Variants in IQGAP2 observed in about 807,000 individuals in gnomAD.
IQGAP2 encodes the protein ras GTPase-activating-like protein IQGAP2.
In IQGAP2, 173 loss-of-function variants were observed where a neutral mutation model predicts 201.3. The observed-to-expected ratio is 0.86, with a 90% CI of 0.76 to 0.98. The LOEUF is 0.98. Among genes scored for constraint, IQGAP2 ranks in the 50% least tolerant of loss-of-function variants. IQGAP2 has a pLI of 0.00. For missense variants in IQGAP2, 1,687 were observed against 1,864.8 expected (o/e 0.90, Z 1.76); for synonymous variants, 675 against 673.9 (o/e 1.00, Z -0.03).
chr5:76,438,907 T>TTTTA lies in IQGAP2; in HGVS notation c.47-22652_47-22649dup, dbSNP rs1279823077. On this transcript the variant is annotated intron_variant, in intron 1 of 35. Coordinates refer to ENST00000274364, the MANE Select transcript of IQGAP2 (RefSeq NM_006633.5). ...AATTTCATTTAGTTCTGCTCTAATC[T>TTTTA]TTTATTTATTTATTATTTTCTAGTT... Among the ~76,000 whole-genome samples the TTTTA allele has an allele frequency of 2.0e-5, 3 of 152,004 alleles. No homozygotes were observed. In the East Asian group the frequency reaches 5.8e-4, roughly 29 times the overall value.
intron 15 of IQGAP2, 45 bp from the exon 16 acceptor site, chr5:76,636,989 G>A: frequency 6.8e-7 from 1 of 1,466,034 alleles, no homozygotes; most frequent in East Asian, 2.3e-5. Context: ...TAATGTTTAA[G>A]GGTTCACTGT....
At chr5:76,634,074 C>T (rs1750926953) in intron 15 of IQGAP2, among the ~76,000 whole-genome samples, 1 of 151,964 alleles carries the variant, frequency 6.6e-6, no homozygotes, top group African/African-American at 2.4e-5. Flanking sequence ...ATCCTACAAC[C>T]TTGCTGAACT....
intron 5 of IQGAP2, among the ~76,000 whole-genome samples, chr5:76,578,047 A>G (rs1010783837): frequency 3.9e-5 from 6 of 152,134 alleles, no homozygotes; most frequent in African/African-American, 1.4e-4. Flanking sequence ...CTTGTCTCCT[A>G]TTCCCTGTCA....
At chr5:76,514,155 A>T (rs1314215172) in intron 2 of IQGAP2, among the ~76,000 whole-genome samples, 1 of 150,730 alleles carries the variant, frequency 6.6e-6, no homozygotes, top group Non-Finnish European at 1.5e-5. Context: ...TCCCGAGTAG[A>T]TGGGATTACA....
At chr5:76,626,374 G>A (rs910635573) in intron 13 of IQGAP2, among the ~76,000 whole-genome samples, 2 of 137,322 alleles carry the variant, frequency 1.5e-5, no homozygotes, top group African/African-American at 5.5e-5. Flanking sequence ...CCAGGTTCAA[G>A]CAATCCTCCC....
chr5:76,692,283 C>T (rs901230366), intron 30 of IQGAP2, among the ~76,000 whole-genome samples: 5 of 152,174 alleles, frequency 3.3e-5, no homozygotes, highest in African/African-American at 1.2e-4. Flanking sequence ...TCCTGAGCAG[C>T]TGGAATTACA....
intron 11 of IQGAP2, among the ~76,000 whole-genome samples, chr5:76,602,569 T>C (rs1747500287): frequency 6.7e-6 from 1 of 150,176 alleles, no homozygotes; most frequent in Admixed American, 6.8e-5. Flanking sequence ...TGAAGAACTT[T>C]TAAAATGTTT....
intron 13 of IQGAP2, among the ~76,000 whole-genome samples, chr5:76,624,789 C>G (rs1750066413): frequency 6.6e-6 from 1 of 152,112 alleles, no homozygotes; most frequent in African/African-American, 2.4e-5. Context: ...AAAAAGCAGA[C>G]TTGGCTGGGC....
intron 5 of IQGAP2, among the ~76,000 whole-genome samples, chr5:76,578,787 A>C (rs1745639778): frequency 6.6e-6 from 1 of 152,146 alleles, no homozygotes; most frequent in African/African-American, 2.4e-5. Flanking sequence ...CTTTGAACTT[A>C]AAGTGTATAC....
At chr5:76,508,723 G>C (rs1051870044) in intron 2 of IQGAP2, among the ~76,000 whole-genome samples, 3 of 150,086 alleles carry the variant, frequency 2.0e-5, no homozygotes, top group Non-Finnish European at 4.4e-5. Flanking sequence ...TAAAGATCAC[G>C]TGAGAGGCAT....
At chr5:76,414,436 T>C (rs1245659417) in intron 1 of IQGAP2, among the ~76,000 whole-genome samples, 1 of 152,220 alleles carries the variant, frequency 6.6e-6, no homozygotes, top group Non-Finnish European at 1.5e-5. Context: ...ATGGTAGTTA[T>C]AGAGCTAATA....
At chr5:76,532,886 T>C (rs1192685393) in intron 2 of IQGAP2, among the ~76,000 whole-genome samples, 1 of 152,238 alleles carries the variant, frequency 6.6e-6, no homozygotes, top group Admixed American at 6.5e-5. Context: ...ACACTGCCTC[T>C]CATGTTCCAG....
At chr5:76,436,513 ATATATTTTTTTTTTTTTTTTTTTT>A (rs1752699315) in intron 1 of IQGAP2, among the ~76,000 whole-genome samples, 1 of 22,604 alleles carries the variant, frequency 4.4e-5, no homozygotes, top group Non-Finnish European at 6.4e-5. Flanking sequence ...ATATATATAT[ATATATTTTTTTTTTTTTTTTTTTT>A]TTTTTTTTTT....
At chr5:76,491,458 C>A (rs1756532765) in intron 2 of IQGAP2, among the ~76,000 whole-genome samples, 1 of 151,974 alleles carries the variant, frequency 6.6e-6, no homozygotes, top group Admixed American at 6.6e-5. Context: ...TGCAGGATTT[C>A]TTTTTTATTA....
intron 30 of IQGAP2, among the ~76,000 whole-genome samples, chr5:76,684,800 G>T (rs1336287107): frequency 1.3e-5 from 2 of 152,132 alleles, no homozygotes; most frequent in African/African-American, 4.8e-5. Flanking sequence ...ATGTGCTGAA[G>T]TGTGCTTGAA....
intron 2 of IQGAP2, among the ~76,000 whole-genome samples, chr5:76,561,436 A>G (rs529641904): frequency 1.3e-5 from 2 of 152,324 alleles, no homozygotes; most frequent in African/African-American, 4.8e-5. Context: ...TGGCAGGATC[A>G]GTGGCTACTG....
rs527475054 is a variant in IQGAP2, at chr5:76,520,468, A to G, written c.147-41928A>G. Among the ~76,000 whole-genome samples, 8 of 152,104 alleles carry G rather than the reference A, an allele frequency of 5.3e-5. No individual in the cohort carries two copies. In the South Asian group the frequency reaches 1.7e-3, roughly 32 times the overall value. On this transcript the variant is annotated intron_variant, in intron 2 of 35. Transcript: ENST00000274364. ...TGAGCCACCGCGCCCGGCGCATTATAGTAAGTCTTAAAACTGGGTAGTATG... is the reference window on the plus strand; with the variant it reads ...TGAGCCACCGCGCCCGGCGCATTATGGTAAGTCTTAAAACTGGGTAGTATG...
chr5:76,640,384 C>A (rs1323321666), intron 16 of IQGAP2, among the ~76,000 whole-genome samples: 9 of 152,160 alleles, frequency 5.9e-5, no homozygotes, highest in Admixed American at 2.0e-4. Context: ...TCTCATTCTT[C>A]TAGATTTCTG....
intron 13 of IQGAP2, chr5:76,617,942 T>C: frequency 6.2e-7 from 1 of 1,614,048 alleles, no homozygotes; most frequent in South Asian, 1.1e-5. Context: ...GGAAGGGAGA[T>C]GAGGACTCGC....
Sources: allele counts gnomAD v4.1 joint callset (sites outside exome capture counted in the v4.1 genomes callset), GRCh38; gene constraint gnomAD v4.1.1; transcripts MANE v1.5; gene names NCBI Gene and HGNC (gene_info 2026-07-23, HGNC 2026-07-21).